Variants in ARAP1 observed in about 807,000 individuals in gnomAD.
The protein encoded by ARAP1 is ArfGAP with RhoGAP domain, ankyrin repeat and PH domain 1.
In ARAP1, 76 loss-of-function variants were observed where a neutral mutation model predicts 172.2. The observed-to-expected ratio is 0.44, with a 90% CI of 0.37 to 0.53. The LOEUF (loss-of-function observed/expected upper bound fraction) is 0.53. ARAP1 is among the 20% of genes least tolerant of loss of function. The pLI is 0.00. For missense variants in ARAP1, 1,686 were observed against 1,977.5 expected (o/e 0.85, Z 2.80); for synonymous variants, 804 against 803.3 (o/e 1.00, Z -0.01).
In ARAP1 at chr11:72,699,292, T is replaced by G. The variant is rs572180210; in HGVS notation, c.2438+125A>C. ...CTCAAGAGACTGGAGTCGGCCCTTG[T>G]GCAGCCTCCGTTTGCTGTGTGACTC... On this transcript the variant is annotated intron_variant, in intron 17 of 34. Transcript: ENST00000393609. This position sits in a 1 kb window ranked among gnomAD's most constrained non-coding sequence, Gnocchi z 4.2. The G allele has an allele frequency of 1.3e-6, 2 of 1,485,030 alleles. No homozygotes were observed. Among genetic ancestry groups the G allele is most frequent in the Non-Finnish European group, 9.1e-7 (1 of 1,096,746 alleles). 92.0% of individuals were successfully genotyped at this position (1,485,030 alleles called of 1,614,324 possible). A position where few individuals can be genotyped will look rare whatever the true frequency, so the allele number is the denominator to read the frequency against.
intron 5 of ARAP1, 123 bp downstream of exon 5, chr11:72,713,053 G>A: frequency 9.8e-7 from 1 of 1,024,948 alleles, no homozygotes; most frequent in Middle Eastern, 2.1e-4. Context: ...AGTGAGGTGG[G>A]GGAAGGGGAA....
chr11:72,692,057 C>A (rs1855955993), intron 30 of ARAP1, among the ~76,000 whole-genome samples: 1 of 152,140 alleles, frequency 6.6e-6, no homozygotes, highest in Admixed American at 6.5e-5. Context: ...TGTTGCACGG[C>A]CCTGTTCCCA....
chr11:72,703,170 G>A (rs1031673216), intron 14 of ARAP1, 91 bp from the exon 15 acceptor site: 285 of 1,287,936 alleles, frequency 2.2e-4, no homozygotes, highest in Non-Finnish European at 2.9e-4. Flanking sequence ...GAAAAGGAAG[G>A]AGTCACCCAG....
At chr11:72,716,042 A>G (rs867280854) in intron 3 of ARAP1, among the ~76,000 whole-genome samples, 1 of 152,026 alleles carries the variant, frequency 6.6e-6, no homozygotes, top group Admixed American at 6.5e-5. Flanking sequence ...ACGTGGTGGC[A>G]GGCGCCTGTA....
At chr11:72,714,394 A>C in intron 3 of ARAP1, 73 bp from the exon 4 acceptor site, 5 of 1,451,746 alleles carry the variant, frequency 3.4e-6, no homozygotes, top group Non-Finnish European at 3.7e-6. Context: ...CCCCCAGCTC[A>C]CCTGAACTGC....
Position 72,710,395 on chromosome 11 carries a change from T to C in ARAP1, c.1406A>G (p.Lys469Arg), listed in dbSNP as rs757671422. The C allele has an allele frequency of 6.2e-6, 10 of 1,614,026 alleles. No homozygotes were observed. The highest frequency in any genetic ancestry group is 7.6e-6 in the Non-Finnish European group (9 of 1,179,952). Residue 469 changes from lysine (K) to arginine (R), a missense_variant, in exon 10 of 35, where the codon AAG (lysine) becomes AGG (arginine). This residue lies in a region of ARAP1 where 688 missense variants were observed against 856.9 expected (regional missense o/e 0.80). Coordinates refer to ENST00000393609, the MANE Select transcript of ARAP1 (RefSeq NM_001040118.3). The surrounding 1 kb of genome is among the most constrained non-coding windows in gnomAD (Gnocchi z 4.3). ...ATGACCCCTTAGCACCTCTAGATTC[T>C]TGTAGAGCTGCACTTTGTCCCCGAC... ...AVVGDKVQLYKNLEEYHLGIG... is the reference protein window; with the variant it reads ...AVVGDKVQLYRNLEEYHLGIG...
chr11:72,718,503 G>A (rs1376469045), intron 3 of ARAP1, among the ~76,000 whole-genome samples: 5 of 151,776 alleles, frequency 3.3e-5, no homozygotes, highest in African/African-American at 4.8e-5. Flanking sequence ...GCCCACAGAA[G>A]CCCACCTCCA....
Position 72,712,433 on chromosome 11 carries a change from C to T in ARAP1, c.878+5G>A, listed in dbSNP as rs1206369126. ...CAGTGGGAAGGAGGGTGGCCGGACA[C>T]TCACTTGGGGACGCCCTCATAGGCG... On this transcript the variant is annotated splice_donor_5th_base_variant and intron_variant, in intron 6 of 34. Coordinates refer to ENST00000393609, the MANE Select transcript of ARAP1 (RefSeq NM_001040118.3). 1.3e-6 allele frequency: 2 copies of T among 1,566,176 alleles called. No individual in the cohort carries two copies. Among genetic ancestry groups the T allele is most frequent in the Non-Finnish European group, 1.7e-6 (2 of 1,149,790 alleles).
chr11:72,695,783 C>T lies in ARAP1; in HGVS notation c.3355G>A (p.Gly1119Arg), dbSNP rs1448492204. The T allele has an allele frequency of 1.9e-6, 3 of 1,614,192 alleles. No homozygotes were observed. Among genetic ancestry groups the T allele is most frequent in the African/African-American group, 1.3e-5 (1 of 75,062 alleles). The change falls in exon 24 of 35, where the codon GGG becomes AGG. Residue 1119 changes from glycine to arginine, a missense_variant. Transcript: ENST00000393609. This position sits in a 1 kb window ranked among gnomAD's most constrained non-coding sequence, Gnocchi z 4.4. ...VFGPTLFQTD[G>R]QDYKAGRVVE... The stretch of plus-strand genomic sequence containing the variant: ...ACACGGCCAGCCTTGTAGTCCTGCC[C>T]ATCTGTCTGGAAGAGCGTGGGCCCA...
chr11:72,728,716 C>A (rs1857771467), intron 2 of ARAP1, among the ~76,000 whole-genome samples: 1 of 152,012 alleles, frequency 6.6e-6, no homozygotes, highest in Non-Finnish European at 1.5e-5. Context: ...TAGAAAACAC[C>A]AATAAACTTC....
chr11:72,707,603 A>G (rs1470480458), intron 11 of ARAP1, among the ~76,000 whole-genome samples: 1 of 152,236 alleles, frequency 6.6e-6, no homozygotes, highest in Non-Finnish European at 1.5e-5. Context: ...CCCAGCCCGC[A>G]GAATGAAGGC....
chr11:72,704,037 T>C, intron 14 of ARAP1, 115 bp downstream of exon 14: 2 of 1,382,910 alleles, frequency 1.4e-6, no homozygotes, highest in Admixed American at 2.0e-5. Flanking sequence ...AGTTTCCCCA[T>C]ATGCCAAGAC....
Position 72,745,344 on chromosome 11 carries a change from A to G in ARAP1, c.-128+6984T>C, listed in dbSNP as rs1591252604. Among the ~76,000 whole-genome samples the G allele has an allele frequency of 8.4e-5, 12 of 142,608 alleles. 1 individual carries two copies. The South Asian group carries it at 2.5e-3, about 30-fold the overall frequency. The allele number at this position is 142,608 out of a possible 152,430, so 93.6% of individuals were successfully genotyped here. Reference sequence around the variant, plus strand: ...GCTGGGACTACAGGCGCCTGCCACCACGTCCGGCTAATTTTTTTTTTTTTT... The same window carrying G: ...GCTGGGACTACAGGCGCCTGCCACCGCGTCCGGCTAATTTTTTTTTTTTTT... On this transcript the variant is annotated intron_variant, in intron 1 of 34. Transcript: ENST00000393609.
At chr11:72,744,256 T>C (rs1349652860) in intron 1 of ARAP1, among the ~76,000 whole-genome samples, 4 of 152,148 alleles carry the variant, frequency 2.6e-5, no homozygotes, top group Admixed American at 2.6e-4. Context: ...GATACCTGTG[T>C]CCCAAAGGTG....
intron 11 of ARAP1, 121 bp from the exon 12 acceptor site, chr11:72,707,495 G>C: frequency 1.2e-6 from 1 of 851,640 alleles, no homozygotes; most frequent in South Asian, 1.9e-5. Flanking sequence ...AAAAGAGTGA[G>C]GCATCCCACT....
At position 72,713,570 on chromosome 11, in the gene ARAP1, A is replaced by G. The variant is rs975060999; in HGVS notation, c.680-327T>C. On this transcript the variant is annotated intron_variant, in intron 4 of 34. Transcript: ENST00000393609. ...CAGGAAAAGCAAACCACCTCTGGCC[A>G]GGCGCGGTGGCTCATGCCTGTAATC... Among the ~76,000 whole-genome samples, 4 of 152,276 alleles carry G rather than the reference A, an allele frequency of 2.6e-5. No individual in the cohort carries two copies. The East Asian group carries it at 5.8e-4, about 22-fold the overall frequency.
chr11:72,716,809 T>C (rs1384599430), intron 3 of ARAP1, among the ~76,000 whole-genome samples: 1 of 152,160 alleles, frequency 6.6e-6, no homozygotes, highest in Non-Finnish European at 1.5e-5. Context: ...AAAGACCCCA[T>C]GGCAGACGAA....
intron 1 of ARAP1, among the ~76,000 whole-genome samples, chr11:72,749,968 G>T (rs532467821): frequency 1.2e-4 from 18 of 152,060 alleles, no homozygotes; most frequent in Non-Finnish European, 2.1e-4. Context: ...AGGGGTCTCT[G>T]TGTGATCCTA....
intron 3 of ARAP1, among the ~76,000 whole-genome samples, chr11:72,717,203 A>T (rs1857313603): frequency 6.6e-6 from 1 of 152,154 alleles, no homozygotes; most frequent in Non-Finnish European, 1.5e-5. Context: ...ATTCCCTTAG[A>T]GACTTCTTGA....
Sources: allele counts gnomAD v4.1 joint callset (sites outside exome capture counted in the v4.1 genomes callset), GRCh38; gene constraint gnomAD v4.1.1; regional missense constraint gnomAD v4.1.1; non-coding constraint Gnocchi (gnomAD v3.1); transcripts MANE v1.5; gene names NCBI Gene and HGNC (gene_info 2026-07-23, HGNC 2026-07-21).